Variants in SOX6 observed in about 807,000 individuals in gnomAD.
SOX6 encodes the protein SRY-box transcription factor 6.
SOX6 carries 11 observed loss-of-function variants against 97.8 expected under a neutral mutation model. The ratio of observed to expected loss-of-function variants is 0.11; its 90% CI spans 0.07 to 0.19. SOX6 has a LOEUF of 0.19. Among genes scored for constraint, SOX6 ranks in the 10% least tolerant of loss-of-function variants. The pLI is 1.00. For synonymous variants in SOX6, 360 were observed against 371.4 expected, an observed-to-expected ratio of 0.97 and a Z score of 0.35; for missense variants, 810 against 1,039.5, an observed-to-expected ratio of 0.78 and a Z score of 3.04.
chr11:16,374,771 C>T (rs1334194918), intron 1 of SOX6, among the ~76,000 whole-genome samples: 1 of 151,922 alleles, frequency 6.6e-6, no homozygotes, highest in Non-Finnish European at 1.5e-5. Flanking sequence ...TCCATAAAAT[C>T]CAAGAAACAA....
At chr11:16,390,844 A>T (rs1257854063) in intron 1 of SOX6, among the ~76,000 whole-genome samples, 1 of 152,240 alleles carries the variant, frequency 6.6e-6, no homozygotes, top group African/African-American at 2.4e-5. Context: ...ATTACTGGGC[A>T]TATACCCAAA....
In SOX6 at chr11:16,341,239, T is replaced by C. The variant is rs775402443; in HGVS notation, c.10A>G (p.Lys4Glu). The stretch of plus-strand genomic sequence containing the variant: ...CAGGCAAATGGAGAGGTGGCTTGCT[T>C]GGAAGACATTCTTCTGCAGAAAAAA... MSS[K>E]QATSPFACAA... The change falls in exon 2 of 16, where the codon AAG (lysine) becomes GAG (glutamate). Residue 4 changes from lysine to glutamate, a missense_variant. Around this residue, in one of 9 missense-constraint regions of SOX6, gnomAD observed 100 missense variants for 94.6 expected, o/e 1.06. Coordinates refer to ENST00000683767, the MANE Select transcript of SOX6 (RefSeq NM_001367873.1). The C allele has an allele frequency of 1.9e-6, 3 of 1,613,058 alleles. 1 individual carries two copies. Among genetic ancestry groups the C allele is most frequent in the East Asian group, 4.5e-5 (2 of 44,816 alleles).
At chr11:16,639,417 C>T (rs760008690) in intron 3 of SOX6, among the ~76,000 whole-genome samples, 12 of 151,910 alleles carry the variant, frequency 7.9e-5, no homozygotes, top group Non-Finnish European at 1.3e-4. Flanking sequence ...TGGTTCCTTA[C>T]GAACTTTAAA....
rs527571791 is a variant in SOX6 at position 16,695,639 on chromosome 11, T to C, written n.429+19191A>G. Reference sequence around the variant, plus strand: ...GTGTTTCTACTGTTCTAAGAACACATGTGATATCTTAATTCTATTCAGGAA... The same window carrying C: ...GTGTTTCTACTGTTCTAAGAACACACGTGATATCTTAATTCTATTCAGGAA... On this transcript the variant is annotated intron_variant and non_coding_transcript_variant, in intron 3 of 5. Transcript: ENST00000524520. Among the ~76,000 whole-genome samples the C allele has an allele frequency of 4.6e-5, 7 of 152,288 alleles. No homozygotes were observed. The South Asian group carries it at 1.5e-3, about 32-fold the overall frequency.
intron 1 of SOX6, among the ~76,000 whole-genome samples, chr11:16,365,290 T>TGTGA (rs1857326697): frequency 6.7e-6 from 1 of 149,726 alleles, no homozygotes; most frequent in African/African-American, 2.5e-5. Context: ...AAGTACTGTG[T>TGTGA]GTGTGTGTGT....
chr11:16,405,208 T>C (rs1190831573), intron 1 of SOX6, among the ~76,000 whole-genome samples: 2 of 151,954 alleles, frequency 1.3e-5, no homozygotes, highest in Non-Finnish European at 2.9e-5. Flanking sequence ...TTACCCCCAA[T>C]AAAGCCAGTT....
intron 7 of SOX6, among the ~76,000 whole-genome samples, chr11:16,109,074 G>A (rs1849164553): frequency 6.6e-6 from 1 of 152,138 alleles, no homozygotes; most frequent in Non-Finnish European, 1.5e-5. Context: ...GACCAAGGTA[G>A]CACTTGTTCA....
intron 3 of SOX6, among the ~76,000 whole-genome samples, chr11:16,633,045 C>T (rs1019461076): frequency 1.7e-4 from 26 of 152,102 alleles, no homozygotes; most frequent in Non-Finnish European, 4.4e-5. Flanking sequence ...AGAGGGCCTC[C>T]CTGTACCAGG....
rs999367014 is a variant in SOX6, at chr11:15,994,818, C to T, written c.1733-5588G>A. Among the ~76,000 whole-genome samples, 14 of 152,098 alleles carry T rather than the reference C, an allele frequency of 9.2e-5. No homozygotes were observed. The East Asian group carries it at 2.7e-3, about 29-fold the overall frequency. The stretch of plus-strand genomic sequence containing the variant: ...GAATAGCTCATATCAGCCCTGTCCT[C>T]CAATAGATAATAAATATAAACTCTG... On this transcript the variant is annotated intron_variant, in intron 13 of 15. Transcript: ENST00000683767.
intron 6 of SOX6, among the ~76,000 whole-genome samples, chr11:16,146,174 A>G (rs1850288414): frequency 6.6e-6 from 1 of 152,202 alleles, no homozygotes; most frequent in Admixed American, 6.5e-5. Flanking sequence ...ATGGAACAGA[A>G]CAGAGCCCTC....
At chr11:16,649,083 A>G (rs1449482562) in intron 3 of SOX6, among the ~76,000 whole-genome samples, 3 of 151,400 alleles carry the variant, frequency 2.0e-5, no homozygotes, top group East Asian at 1.9e-4. Context: ...AAAAAGAAGG[A>G]AAAAAAAAGA....
intron 1 of SOX6, among the ~76,000 whole-genome samples, chr11:16,352,245 G>A (rs901591246): frequency 2.9e-5 from 4 of 139,104 alleles, no homozygotes; most frequent in Admixed American, 2.3e-4. Flanking sequence ...GAACCAATGG[G>A]CAGATGATGG....
intron 12 of SOX6, among the ~76,000 whole-genome samples, chr11:16,023,032 T>A (rs1259266860): frequency 1.3e-5 from 2 of 152,178 alleles, no homozygotes; most frequent in African/African-American, 4.8e-5. Flanking sequence ...TTTTTCTTTC[T>A]AATTATGATG....
chr11:16,528,136 A>T (rs68176835), intron 4 of SOX6, among the ~76,000 whole-genome samples: 22,250 of 152,040 alleles, frequency 0.15, 1,795 homozygotes, highest in African/African-American at 0.22. Flanking sequence ...TTGTAACATA[A>T]GGCACAGGAT....
intron 3 of SOX6, among the ~76,000 whole-genome samples, chr11:16,294,490 C>T (rs1411573891): frequency 6.6e-6 from 1 of 151,990 alleles, no homozygotes; most frequent in East Asian, 1.9e-4. Flanking sequence ...TGGTACATAG[C>T]TCAATGAAAT....
At chr11:16,066,327 T>C (rs1848093067) in intron 9 of SOX6, among the ~76,000 whole-genome samples, 1 of 152,134 alleles carries the variant, frequency 6.6e-6, no homozygotes, top group South Asian at 2.1e-4. Flanking sequence ...GTACAACCAC[T>C]ATGGAGCACA....
At chr11:16,260,251 C>T (rs780463993) in intron 3 of SOX6, among the ~76,000 whole-genome samples, 12 of 152,184 alleles carry the variant, frequency 7.9e-5, no homozygotes, top group Non-Finnish European at 1.5e-4. Context: ...CCACTCACCT[C>T]GGCCTCCCAA....
chr11:16,055,921 A>G lies in SOX6; in HGVS notation c.1102-20T>C. ...GAGCTGCTGCAAAACAGGGAAGACA[A>G]ACATTGATCTCTTTAAATGCAGCTG... On this transcript the variant is annotated intron_variant, in intron 9 of 15. Coordinates refer to ENST00000683767, the MANE Select transcript of SOX6 (RefSeq NM_001367873.1). The G allele has an allele frequency of 6.2e-7, 1 of 1,612,946 alleles. No individual in the cohort carries two copies. Among genetic ancestry groups the G allele is most frequent in the Non-Finnish European group, 8.5e-7 (1 of 1,179,640 alleles).
At chr11:16,049,636 T>G in intron 11 of SOX6, 119 bp downstream of exon 11, 2 of 1,166,730 alleles carry the variant, frequency 1.7e-6, no homozygotes, top group Non-Finnish European at 2.5e-6. Flanking sequence ...GTAGAAAAGA[T>G]AAGAGTATTA....
Sources: allele counts gnomAD v4.1 joint callset (sites outside exome capture counted in the v4.1 genomes callset), GRCh38; gene constraint gnomAD v4.1.1; regional missense constraint gnomAD v4.1.1; transcripts MANE v1.5; gene names NCBI Gene and HGNC (gene_info 2026-07-23, HGNC 2026-07-21).